The following PTPRN2 variants were observed in gnomAD, a reference collection of about 807,000 sequenced individuals.
PTPRN2 encodes receptor-type tyrosine-protein phosphatase N2.
In PTPRN2, 74 loss-of-function variants were observed where a neutral mutation model predicts 118.8. The observed-to-expected ratio is 0.62, with a 90% CI of 0.52 to 0.76. PTPRN2 has a LOEUF of 0.76. Among genes scored for constraint, PTPRN2 ranks in the 30% least tolerant of loss-of-function variants. PTPRN2 has a pLI of 0.00. For missense variants in PTPRN2, 1,481 were observed against 1,394.4 expected (o/e 1.06, Z -0.99); for synonymous variants, 641 against 608.0 (o/e 1.05, Z -0.80).
chr7:158,489,225 C>A (rs1445093701), intron 2 of PTPRN2, among the ~76,000 whole-genome samples: 2 of 152,198 alleles, frequency 1.3e-5, no homozygotes, highest in Non-Finnish European at 2.9e-5. Context: ...GCGGGTGGAT[C>A]ACCTGAAGTC....
At chr7:158,229,523 T>C (rs1045642489) in intron 3 of PTPRN2, among the ~76,000 whole-genome samples, 10 of 151,946 alleles carry the variant, frequency 6.6e-5, no homozygotes, top group Non-Finnish European at 2.9e-5. Context: ...ATTCAGAAAT[T>C]TAACAAAGAG....
At chr7:157,573,786 G>A (rs986529167) in intron 19 of PTPRN2, among the ~76,000 whole-genome samples, 12 of 152,134 alleles carry the variant, frequency 7.9e-5, no homozygotes, top group Non-Finnish European at 1.6e-4. Flanking sequence ...CACAGTATAC[G>A]GAAGATACCA....
At chr7:158,287,443 T>C (rs943978641) in intron 3 of PTPRN2, among the ~76,000 whole-genome samples, 3 of 152,168 alleles carry the variant, frequency 2.0e-5, no homozygotes, top group Non-Finnish European at 4.4e-5. Context: ...TCTTTTCTGA[T>C]GTAGGCATTT....
At chr7:157,710,041 G>T (rs1250597571) in intron 12 of PTPRN2, among the ~76,000 whole-genome samples, 2 of 152,154 alleles carry the variant, frequency 1.3e-5, no homozygotes, top group African/African-American at 4.8e-5. Flanking sequence ...GGGGTCGGAC[G>T]CATGGGTGTG....
At chr7:158,416,304 C>G (rs1382836889) in intron 2 of PTPRN2, among the ~76,000 whole-genome samples, 2 of 152,212 alleles carry the variant, frequency 1.3e-5, no homozygotes, top group South Asian at 4.1e-4. Context: ...CAGGCCCAAC[C>G]CACAGGGATA....
chr7:158,345,202 G>T (rs966042723), intron 2 of PTPRN2, among the ~76,000 whole-genome samples: 1 of 152,152 alleles, frequency 6.6e-6, no homozygotes, highest in Non-Finnish European at 1.5e-5. Context: ...CCTCCCAGCA[G>T]AGCCTTGAAA....
chr7:158,163,046 G>A (rs201346361), intron 6 of PTPRN2, among the ~76,000 whole-genome samples: 20,437 of 152,092 alleles, frequency 0.13, 1,678 homozygotes, highest in African/African-American at 0.24. Context: ...TCTAGCTAGG[G>A]CCTCACATCT....
At chr7:157,576,137 G>T (rs967784058) in intron 19 of PTPRN2, among the ~76,000 whole-genome samples, 3 of 152,128 alleles carry the variant, frequency 2.0e-5, no homozygotes, top group African/African-American at 4.8e-5. Flanking sequence ...TTTAAAGAGG[G>T]TCAGTTTCAA....
intron 14 of PTPRN2, among the ~76,000 whole-genome samples, chr7:157,647,036 G>C: frequency 1.1e-5 from 1 of 87,526 alleles, no homozygotes; most frequent in African/African-American, 5.0e-5. Flanking sequence ...TCGGTGGGTC[G>C]GACCCATCCA....
chr7:157,705,521 G>A (rs1490532815), intron 12 of PTPRN2, among the ~76,000 whole-genome samples: 1 of 152,126 alleles, frequency 6.6e-6, no homozygotes, highest in Non-Finnish European at 1.5e-5. Flanking sequence ...CCAGATCAAC[G>A]CGGATCACAT....
At chr7:157,963,250 C>T (rs1437957934) in intron 11 of PTPRN2, among the ~76,000 whole-genome samples, 1 of 152,242 alleles carries the variant, frequency 6.6e-6, no homozygotes, top group Non-Finnish European at 1.5e-5. Flanking sequence ...TGTGTGCACG[C>T]TGTAGAATAG....
intron 11 of PTPRN2, among the ~76,000 whole-genome samples, chr7:158,025,140 T>G (rs954015536): frequency 6.6e-6 from 1 of 152,140 alleles, no homozygotes; most frequent in Non-Finnish European, 1.5e-5. Flanking sequence ...CCTTTGAGTC[T>G]GAAAAACACC....
intron 2 of PTPRN2, among the ~76,000 whole-genome samples, chr7:158,440,861 G>GTGAT (rs1563294795): frequency 3.0e-4 from 34 of 114,962 alleles, no homozygotes; most frequent in African/African-American, 1.1e-3. Flanking sequence ...GTGGTGGTGG[G>GTGAT]GGCAGTGGTA....
chr7:158,127,533 C>T (rs1196898292), intron 9 of PTPRN2, among the ~76,000 whole-genome samples: 3 of 152,212 alleles, frequency 2.0e-5, no homozygotes, highest in Admixed American at 6.5e-5. Flanking sequence ...GGGCCCAGGC[C>T]ACCTTCTCCA....
chr7:158,122,519 C>T (rs1349610391), intron 9 of PTPRN2, among the ~76,000 whole-genome samples: 11 of 152,112 alleles, frequency 7.2e-5, no homozygotes, highest in Non-Finnish European at 1.0e-4. Flanking sequence ...GGGAGTGTCA[C>T]CCCTAAAAAT....
chr7:157,794,251 C>T lies in PTPRN2; in HGVS notation c.1788+104422G>A, dbSNP rs1317512973. Among the ~76,000 whole-genome samples, 2 of 148,628 alleles carry T rather than the reference C, an allele frequency of 1.3e-5. No homozygotes were observed. Among genetic ancestry groups the T allele is most frequent in the Admixed American group, 1.3e-4 (2 of 14,924 alleles). On this transcript the variant is annotated intron_variant, in intron 12 of 22. Transcript: ENST00000389418. This position sits in a 1 kb window ranked among gnomAD's most constrained non-coding sequence, Gnocchi z 5.2. ...CTCGTTCTCTGCTCCGACCCGGGCT[C>T]ACACCTCCCCTCGTTCTCTGCTCCG...
At chr7:157,574,522 G>C in intron 19 of PTPRN2, 2 of 330,720 alleles carry the variant, frequency 6.0e-6, no homozygotes. Context: ...ATGAGAGAGA[G>C]AGAGAGAGAG....
Position 158,126,931 on chromosome 7 carries a change from C to A in PTPRN2, c.1556+6746G>T, listed in dbSNP as rs1169862480. On this transcript the variant is annotated intron_variant, in intron 9 of 22. Coordinates refer to ENST00000389418, the MANE Select transcript of PTPRN2 (RefSeq NM_002847.5). ...ACTGGCCTCTCTGAATTCCACATTC[C>A]AACTGAACCCCCACAGAGGTGAGCA... Among the ~76,000 whole-genome samples the A allele has an allele frequency of 7.2e-5, 11 of 152,216 alleles. No individual in the cohort carries two copies. The East Asian group carries it at 2.1e-3, about 29-fold the overall frequency.
chr7:157,749,239 A>G (rs1473737229), intron 12 of PTPRN2, among the ~76,000 whole-genome samples: 4 of 82,528 alleles, frequency 4.8e-5, no homozygotes, highest in African/African-American at 1.1e-4. Context: ...TGGGCTGTTG[A>G]GGTGATTCTG....
Sources: allele counts gnomAD v4.1 joint callset (sites outside exome capture counted in the v4.1 genomes callset), GRCh38; gene constraint gnomAD v4.1.1; non-coding constraint Gnocchi (gnomAD v3.1); transcripts MANE v1.5; gene names NCBI Gene and HGNC (gene_info 2026-07-23, HGNC 2026-07-21).